The following MROH9 variants were observed in gnomAD, a reference collection of about 807,000 sequenced individuals.
MROH9 encodes maestro heat like repeat family member 9.
A neutral mutation model predicts 98.2 loss-of-function variants in MROH9; 92 were observed. The observed-to-expected ratio is 0.94, with a 90% confidence interval of 0.79 to 1.11. The LOEUF (loss-of-function observed/expected upper bound fraction) is 1.11. Ranked by LOEUF, MROH9 falls within the 50% of genes most tolerant of loss-of-function variation. The pLI is 0.00. For missense variants in MROH9, 1,057 were observed against 1,014.8 expected, an observed-to-expected ratio of 1.04 and a Z score of -0.57; for synonymous variants, 397 against 368.9, an observed-to-expected ratio of 1.08 and a Z score of -0.87.
chr1:170,979,391 A>AT (rs922432607), intron 8 of MROH9, among the ~76,000 whole-genome samples: 2 of 152,192 alleles, frequency 1.3e-5, no homozygotes, highest in African/African-American at 2.4e-5. Context: ...TAGTCAGTTG[A>AT]TTTTTTATGA....
chr1:171,034,884 A>T (rs1379737792), intron 20 of MROH9, among the ~76,000 whole-genome samples: 1 of 152,118 alleles, frequency 6.6e-6, no homozygotes, highest in Non-Finnish European at 1.5e-5. Context: ...GAAAGCCTAT[A>T]AACAGATCCA....
chr1:171,014,239 A>C lies in MROH9; in HGVS notation c.1719A>C (p.Ser573=). The change falls in exon 16 of 22, where the codon TCA becomes TCC. Residue 573 remains serine, a synonymous_variant. Coordinates refer to ENST00000367759, the MANE Select transcript of MROH9 (RefSeq NM_001163629.2). The part of the protein sequence containing the change: ...RLILHRIVHM[S]PIINKTENVS... ...TCCTTCATAGAATTGTCCACATGTC[A>C]CCAATTATCAATAAGGTATGTGTAT... The C allele has an allele frequency of 2.6e-6, 4 of 1,550,774 alleles. No homozygotes were observed. Among genetic ancestry groups the C allele is most frequent in the Non-Finnish European group, 3.5e-6 (4 of 1,146,610 alleles).
intron 8 of MROH9, among the ~76,000 whole-genome samples, chr1:170,976,665 G>A (rs1650706887): frequency 6.6e-6 from 1 of 152,078 alleles, no homozygotes; most frequent in Non-Finnish European, 1.5e-5. Flanking sequence ...ATAAAAAAAT[G>A]ATAACATATT....
intron 3 of MROH9, among the ~76,000 whole-genome samples, chr1:170,958,246 T>C (rs1044777995): frequency 6.6e-6 from 1 of 152,216 alleles, no homozygotes; most frequent in Admixed American, 6.5e-5. Context: ...AGCATAGTGG[T>C]TGACTGTAAA....
intron 15 of MROH9, among the ~76,000 whole-genome samples, chr1:171,012,651 T>C (rs940216715): frequency 8.6e-5 from 13 of 152,006 alleles, no homozygotes; most frequent in South Asian, 4.2e-4. Flanking sequence ...TACAGGTGCC[T>C]GCCACCACGC....
At chr1:171,014,891 G>A (rs1652276096) in intron 16 of MROH9, 2 of 446,888 alleles carry the variant, frequency 4.5e-6, no homozygotes, top group Admixed American at 2.5e-5. Context: ...AAATTCTGGG[G>A]TGGGCCCACC....
At chr1:171,054,815 T>C (rs1653777873) in intron 20 of MROH9, among the ~76,000 whole-genome samples, 1 of 152,094 alleles carries the variant, frequency 6.6e-6, no homozygotes, top group African/African-American at 2.4e-5. Flanking sequence ...ACCACCTTAC[T>C]CCTGCAAGAA....
At chr1:170,971,961 G>T (rs1650478068) in intron 8 of MROH9, 78 bp downstream of exon 8, 7 of 1,439,012 alleles carry the variant, frequency 4.9e-6, no homozygotes, top group South Asian at 2.6e-5. Context: ...TCCTGGGAAG[G>T]CTCTACGTCT....
intron 20 of MROH9, among the ~76,000 whole-genome samples, chr1:171,041,951 G>A (rs1212912429): frequency 6.6e-6 from 1 of 151,956 alleles, no homozygotes; most frequent in Non-Finnish European, 1.5e-5. Flanking sequence ...CATGGAAAAT[G>A]GGGTATTCAT....
intron 20 of MROH9, among the ~76,000 whole-genome samples, chr1:171,031,512 G>A (rs952760407): frequency 4.6e-5 from 7 of 151,986 alleles, no homozygotes; most frequent in Admixed American, 2.0e-4. Context: ...GTCTTGAAAT[G>A]ATTTTATTTC....
intron 20 of MROH9, among the ~76,000 whole-genome samples, chr1:171,027,479 T>G (rs1193219489): frequency 1.3e-5 from 2 of 152,208 alleles, no homozygotes; most frequent in African/African-American, 4.8e-5. Context: ...GTTGGTTCCA[T>G]GTCTTTGCCA....
intron 3 of MROH9, among the ~76,000 whole-genome samples, chr1:170,956,183 T>G (rs936062280): frequency 7.2e-5 from 11 of 152,224 alleles, no homozygotes. Context: ...ATGTGCCTAT[T>G]TTTATACCAG....
intron 20 of MROH9, among the ~76,000 whole-genome samples, chr1:171,038,356 G>GT (rs890567395): frequency 2.2e-4 from 33 of 152,158 alleles, no homozygotes; most frequent in African/African-American, 7.5e-4. Flanking sequence ...GTACTACCCA[G>GT]TTTTGGCCAG....
intron 20 of MROH9, among the ~76,000 whole-genome samples, chr1:171,045,512 G>A (rs528608964): frequency 6.6e-6 from 1 of 151,988 alleles, no homozygotes; most frequent in East Asian, 1.9e-4. Flanking sequence ...TTTGTTTCAA[G>A]AAATTTTTTA....
intron 3 of MROH9, among the ~76,000 whole-genome samples, chr1:170,953,842 G>A (rs1467653651): frequency 7.0e-6 from 1 of 142,054 alleles, no homozygotes; most frequent in East Asian, 2.0e-4. Flanking sequence ...AGAAAGGAAG[G>A]AAGGAAGAAA....
At chr1:170,979,860 C>G (rs1448839098) in intron 8 of MROH9, among the ~76,000 whole-genome samples, 1 of 152,136 alleles carries the variant, frequency 6.6e-6, no homozygotes, top group Non-Finnish European at 1.5e-5. Context: ...AGTCCACAAA[C>G]TTCTTGAACT....
chr1:170,965,096 G>C, intron 6 of MROH9, 55 bp from the exon 7 acceptor site: 1 of 1,298,498 alleles, frequency 7.7e-7, no homozygotes, highest in Admixed American at 1.8e-5. Flanking sequence ...TAGAGGAAAG[G>C]TTCTTGGAAA....
chr1:171,016,033 G>A, intron 16 of MROH9, 130 bp from the exon 17 acceptor site: 1 of 482,740 alleles, frequency 2.1e-6, no homozygotes, highest in Non-Finnish European at 3.4e-6. Context: ...TTGAAAATTT[G>A]ACAAGAGATT....
chr1:170,959,809 T>C (rs1387923253), intron 5 of MROH9, among the ~76,000 whole-genome samples: 3 of 152,138 alleles, frequency 2.0e-5, no homozygotes, highest in African/African-American at 7.2e-5. Flanking sequence ...TAGGAGCAAA[T>C]AGGCGAAGAT....
Sources: allele counts gnomAD v4.1 joint callset (sites outside exome capture counted in the v4.1 genomes callset), GRCh38; gene constraint gnomAD v4.1.1; transcripts MANE v1.5; gene names NCBI Gene and HGNC (gene_info 2026-07-23, HGNC 2026-07-21).